HEATR9: variants seen among roughly 807,000 people sequenced by gnomAD.
HEATR9 encodes HEAT repeat containing 9.
HEATR9 carries 54 observed loss-of-function variants against 68.2 expected under a neutral mutation model. The observed-to-expected ratio is 0.79, with a 90% CI of 0.64 to 0.99. HEATR9 has a LOEUF of 0.99. Among genes scored for constraint, HEATR9 ranks in the 50% least tolerant of loss-of-function variants. HEATR9 has a pLI of 0.00. For missense variants in HEATR9, 662 were observed against 679.7 expected (o/e 0.97, Z 0.29); for synonymous variants, 241 against 253.5 (o/e 0.95, Z 0.47).
chr17:35,861,020 T>G, intron 8 of HEATR9: 1 of 665,382 alleles, frequency 1.5e-6, no homozygotes. Context: ...CACTCCAGCT[T>G]GGGTGACAGA....
chr17:35,865,286 C>T lies in HEATR9; in HGVS notation c.249G>A (p.Trp83Ter). 6.2e-7 allele frequency: 1 copy of T among 1,614,016 alleles called. No homozygotes were observed. The highest frequency in any genetic ancestry group is 1.1e-5 in the South Asian group (1 of 91,066). Residue 83 changes from tryptophan to a stop codon, truncating the protein, a stop_gained, in exon 3 of 15, where the codon TGG becomes TGA. Transcript: ENST00000604834. LOFTEE classifies it high-confidence loss of function. ...YFKKPEIYTH[W>*]HDLYDQREER... ...CCTCTCGCTGATCATACAGGTCGTG[C>T]CAGTGCGTGTAGATCTCAGGTTTCT...
chr17:35,857,205 A>G (rs1598574919), intron 11 of HEATR9, among the ~76,000 whole-genome samples: 1 of 152,134 alleles, frequency 6.6e-6, no homozygotes, highest in African/African-American at 2.4e-5. Context: ...CAACTCAGAG[A>G]GGTGACCAAA....
chr17:35,858,974 G>A lies in HEATR9; in HGVS notation c.853C>T (p.Leu285=). The A allele has an allele frequency of 6.2e-7, 1 of 1,614,190 alleles. No individual in the cohort carries two copies. The highest frequency in any genetic ancestry group is 8.5e-7 in the Non-Finnish European group (1 of 1,180,046). The change falls in exon 9 of 15, where the codon CTG becomes TTG. Residue 285 remains leucine, a synonymous_variant. Transcript: ENST00000604834. ...SEASLEAALC[L]GFLRPCSNMV... ...TTGCTGCAAGGCCTCAGGAAACCCA[G>A]GCACAGGGCTGCCTCCAGAGATGCT...
Position 35,856,723 on chromosome 17 carries a change from G to A in HEATR9, c.1226+9C>T, listed in dbSNP as rs749285050. Reference sequence around the variant, plus strand: ...AGGATTTGGCCCTGGCAGCTCCCAGGCCACTCACGCCTCCACCAAGTTCAT... The same window carrying A: ...AGGATTTGGCCCTGGCAGCTCCCAGACCACTCACGCCTCCACCAAGTTCAT... On this transcript the variant is annotated intron_variant, in intron 12 of 14. Coordinates refer to ENST00000604834, the MANE Select transcript of HEATR9 (RefSeq NM_152781.4). 25 of 1,596,916 alleles carry A rather than the reference G, an allele frequency of 1.6e-5. No individual in the cohort carries two copies. The highest frequency in any genetic ancestry group is 2.1e-5 in the Non-Finnish European group (25 of 1,171,324).
chr17:35,866,597 C>T (rs939977582), intron 2 of HEATR9, 127 bp downstream of exon 2: 7 of 867,772 alleles, frequency 8.1e-6, no homozygotes, highest in South Asian at 1.5e-5. Flanking sequence ...TGTTCAAGAT[C>T]ACAGTTAATG....
intron 12 of HEATR9, 120 bp downstream of exon 12, chr17:35,856,612 T>C: frequency 3.4e-6 from 3 of 885,046 alleles, no homozygotes; most frequent in Non-Finnish European, 5.4e-6. Context: ...GAGGACCTGC[T>C]GCACTGTAGG....
At chr17:35,860,044 T>C (rs2087922186) in intron 8 of HEATR9, among the ~76,000 whole-genome samples, 1 of 152,184 alleles carries the variant, frequency 6.6e-6, no homozygotes, top group Non-Finnish European at 1.5e-5. Flanking sequence ...AAGGCCAGTC[T>C]CCACTTGTGT....
chr17:35,856,205 C>T lies in HEATR9; in HGVS notation c.1246G>A (p.Ala416Thr). The change falls in exon 13 of 15, where the codon GCC (alanine) becomes ACC (threonine). Residue 416 changes from alanine to threonine, a missense_variant. Coordinates refer to ENST00000604834, the MANE Select transcript of HEATR9 (RefSeq NM_152781.4). ...LVEAQLMNPD[A>T]TARQEAVISL... Reference sequence around the variant, plus strand: ...ATGACTGCTTCCTGGCGTGCAGTGGCATCTGGGTTCATCAGTTGTCTGTGT... The same window carrying T: ...ATGACTGCTTCCTGGCGTGCAGTGGTATCTGGGTTCATCAGTTGTCTGTGT... The T allele has an allele frequency of 6.2e-7, 1 of 1,614,122 alleles. No individual in the cohort carries two copies. Among genetic ancestry groups the T allele is most frequent in the Non-Finnish European group, 8.5e-7 (1 of 1,180,012 alleles).
At chr17:35,863,604 A>T in intron 6 of HEATR9, 45 bp from the exon 7 acceptor site, 1 of 1,583,392 alleles carries the variant, frequency 6.3e-7, no homozygotes, top group Non-Finnish European at 8.7e-7. Flanking sequence ...AAGGTGATGG[A>T]ATGTCAGAGC....
intron 1 of HEATR9, among the ~76,000 whole-genome samples, chr17:35,867,605 T>A (rs542885020): frequency 1.3e-5 from 2 of 151,810 alleles, no homozygotes; most frequent in South Asian, 4.2e-4. Context: ...GCCAAGGAGT[T>A]CAAGACCAAT....
chr17:35,856,837 G>A (rs2087793316), intron 11 of HEATR9, 32 bp from the exon 12 acceptor site: 3 of 1,565,324 alleles, frequency 1.9e-6, no homozygotes, highest in African/African-American at 2.7e-5. Context: ...TCAACAGAGA[G>A]AGGGAATGCA....
chr17:35,868,119 T>A (rs1168428257), intron 1 of HEATR9, among the ~76,000 whole-genome samples: 2 of 152,166 alleles, frequency 1.3e-5, no homozygotes, highest in South Asian at 4.1e-4. Flanking sequence ...ATGCTGCTGG[T>A]CATGGGATCA....
At chr17:35,864,354 G>A (rs374346786) in intron 5 of HEATR9, 52 bp from the exon 6 acceptor site, 42 of 1,546,362 alleles carry the variant, frequency 2.7e-5, no homozygotes, top group Non-Finnish European at 3.8e-5. Context: ...ATCATCCCCA[G>A]GAGTTACCAT....
rs758778845 is a variant in HEATR9, at chr17:35,858,984, T to C, written c.843A>G (p.Ala281=). ...KKSSSEASLE[A]ALCLGFLRPC... ...GCCTCAGGAAACCCAGGCACAGGGC[T>C]GCCTCCAGAGATGCTTCACTGGACG... Residue 281 remains alanine (A), a synonymous_variant, in exon 9 of 15, where the codon GCA becomes GCG. Coordinates refer to ENST00000604834, the MANE Select transcript of HEATR9 (RefSeq NM_152781.4). 4 of 1,614,222 alleles carry C rather than the reference T, an allele frequency of 2.5e-6. No homozygotes were observed. The highest frequency in any genetic ancestry group is 1.7e-6 in the Non-Finnish European group (2 of 1,180,042).
intron 9 of HEATR9, 84 bp downstream of exon 9, chr17:35,858,804 C>G: frequency 6.8e-7 from 1 of 1,472,784 alleles, no homozygotes; most frequent in Non-Finnish European, 9.3e-7. Flanking sequence ...AGTGCTCCAC[C>G]ACCAGGATGG....
rs1247839441 is a variant in HEATR9, at chr17:35,868,831, C to A, written c.-89G>T. The A allele has an allele frequency of 7.7e-6, 9 of 1,163,942 alleles. No individual in the cohort carries two copies. The highest frequency in any genetic ancestry group is 1.1e-5 in the Non-Finnish European group (9 of 789,852). 72.1% of individuals were successfully genotyped at this position (1,163,942 alleles called of 1,614,324 possible). ...GGGGCACAGCTGGAGGAGACCTGTC[C>A]TCTGTGGTACGAGAGGTACAGGGGA... On this transcript the variant is annotated 5_prime_UTR_variant, in exon 1 of 15. It adds an upstream start codon to the 5' untranslated region. Transcript: ENST00000604834.
chr17:35,865,082 G>T, intron 3 of HEATR9, 133 bp downstream of exon 3: 1 of 1,310,214 alleles, frequency 7.6e-7, no homozygotes, highest in Non-Finnish European at 1.1e-6. Context: ...GAGCCAAGCC[G>T]AGCCGCCCTA....
chr17:35,868,631 C>G (rs74670581), intron 1 of HEATR9, 24 bp downstream of exon 1: 10 of 1,613,936 alleles, frequency 6.2e-6, no homozygotes, highest in Middle Eastern at 3.3e-4. Flanking sequence ...CTCTTGGCTC[C>G]ATTTCTGTCC....
rs754841858 is a variant in HEATR9 at position 35,855,272 on chromosome 17, T to G, written c.1504A>C (p.Asn502His). 4 of 1,614,234 alleles carry G rather than the reference T, an allele frequency of 2.5e-6. No homozygotes were observed. Among genetic ancestry groups the G allele is most frequent in the Non-Finnish European group, 3.4e-6 (4 of 1,180,036 alleles). Residue 502 changes from asparagine (N) to histidine (H), a missense_variant, in exon 15 of 15, where the codon AAC becomes CAC. Physicochemically the swap from Asn to His is moderately conservative, Grantham distance 68 (BLOSUM62 1). Transcript: ENST00000604834. ...TCTTGAATAGTTAACTCTTCTGGGT[T>G]CTCAGGCTCTTTCTGGAACCTTGTG... The part of the protein sequence containing the change: ...EPTRFQKEPE[N>H]PEELTIQDFR...
Sources: allele counts gnomAD v4.1 joint callset (sites outside exome capture counted in the v4.1 genomes callset), GRCh38; gene constraint gnomAD v4.1.1; transcripts MANE v1.5; gene names NCBI Gene and HGNC (gene_info 2026-07-23, HGNC 2026-07-21).